Variants in SLC27A5 observed in about 807,000 individuals in gnomAD.
SLC27A5 encodes solute carrier family 27 member 5.
A neutral mutation model predicts 63.1 loss-of-function variants in SLC27A5; 47 were observed. That is an observed-to-expected ratio of 0.74 (90% CI 0.59 to 0.95). The LOEUF is 0.95. Ranked by LOEUF, SLC27A5 falls within the 40% of genes least tolerant of loss-of-function variation. The probability of loss-of-function intolerance (pLI) is 0.00; values close to 1 mark genes in which losing one functional copy is unlikely to be tolerated. For missense variants in SLC27A5, 940 were observed against 921.0 expected (o/e 1.02, Z -0.27); for synonymous variants, 391 against 403.8 (o/e 0.97, Z 0.38).
In SLC27A5 at chr19:58,511,620, C is replaced by T. The variant is rs145284710; in HGVS notation, c.336G>A (p.Pro112=). The T allele has an allele frequency of 1.0e-3, 1,619 of 1,595,266 alleles. 16 individuals are homozygous for T. The African/African-American group carries it at 0.019, about 18-fold the overall frequency. The change falls in exon 1 of 10, where the codon CCG becomes CCA. Residue 112 remains proline (P), a synonymous_variant. Coordinates refer to ENST00000263093, the MANE Select transcript of SLC27A5 (RefSeq NM_012254.3). ...CGAAGGCATCTACAAAGGTGTCAGG[C>T]GGCTGCCGGCTCAAGCATCCCCTGA... ...LKIRGCLSRQ[P]PDTFVDAFER...
chr19:58,503,939 C>G (rs1046327871), intron 3 of SLC27A5, among the ~76,000 whole-genome samples: 7 of 152,062 alleles, frequency 4.6e-5, no homozygotes, highest in Non-Finnish European at 8.8e-5. Flanking sequence ...AGGGCGAAAC[C>G]CTGTCTTTAC....
At position 58,498,513 on chromosome 19, in the gene SLC27A5, GAT is replaced by G; in HGVS notation, c.2073_*1del. 1 of 1,608,090 alleles carries G rather than the reference GAT, an allele frequency of 6.2e-7. No individual in the cohort carries two copies. Among genetic ancestry groups the G allele is most frequent in the Non-Finnish European group, 8.5e-7 (1 of 1,176,008 alleles). On this transcript the variant is annotated stop_lost and 3_prime_UTR_variant, in exon 10 of 10. Transcript: ENST00000263093. ...CCCTACCCCAGTGGGTTGGCCAGGT[GAT>G]CAGAGCCTCCAGGTTCCCTCACACA...
intron 6 of SLC27A5, 36 bp downstream of exon 6, chr19:58,500,303 C>T: frequency 6.4e-7 from 1 of 1,568,536 alleles, no homozygotes; most frequent in Non-Finnish European, 8.7e-7. Context: ...GGGTCGCCAC[C>T]CCTGCCACCC....
At position 58,510,011 on chromosome 19, in the gene SLC27A5, G is replaced by A. The variant is rs200114980; in HGVS notation, c.899-6C>T. 2,998 of 1,612,274 alleles carry A rather than the reference G, an allele frequency of 1.9e-3. 3 individuals are homozygous for A. The highest frequency in any genetic ancestry group is 2.3e-3 in the Non-Finnish European group (2,721 of 1,179,136). Reference sequence around the variant, plus strand: ...GATGGCTGGCTTCGGGAGGCCTTGGGATGAAGGCATGGCAAGGGCAGGGTG... The same window carrying A: ...GATGGCTGGCTTCGGGAGGCCTTGGAATGAAGGCATGGCAAGGGCAGGGTG... On this transcript the variant is annotated splice_polypyrimidine_tract_variant and splice_region_variant and intron_variant, in intron 2 of 9. Transcript: ENST00000263093.
At chr19:58,504,108 C>T (rs1210515528) in intron 3 of SLC27A5, among the ~76,000 whole-genome samples, 1 of 152,138 alleles carries the variant, frequency 6.6e-6, no homozygotes, top group Non-Finnish European at 1.5e-5. Context: ...AAGCAAGACT[C>T]TGTCTCTAAA....
chr19:58,509,430 G>A (rs1286401800), intron 3 of SLC27A5: 2 of 155,418 alleles, frequency 1.3e-5, no homozygotes, highest in Middle Eastern at 3.2e-3. Flanking sequence ...AAAAAAGAGA[G>A]AAAACAAAAA....
chr19:58,498,886 C>T lies in SLC27A5; in HGVS notation c.1795G>A (p.Val599Met). The T allele has an allele frequency of 6.2e-7, 1 of 1,613,372 alleles. No individual in the cohort carries two copies. The highest frequency in any genetic ancestry group is 8.5e-7 in the Non-Finnish European group (1 of 1,180,026). Reference sequence around the variant, plus strand: ...AAAGTCTGGCCGGGGGCTAGCTGCACAGCAGCCATGCCCACCTTACCCTCA... The same window carrying T: ...AAAGTCTGGCCGGGGGCTAGCTGCATAGCAGCCATGCCCACCTTACCCTCA... The part of the protein sequence containing the change: ...GCEGKVGMAA[V>M]QLAPGQTFDG... Residue 599 changes from valine (V) to methionine (M), a missense_variant, in exon 9 of 10, where the codon GTG (valine) becomes ATG (methionine). Val to Met is a conservative substitution (Grantham distance 21, BLOSUM62 1). Transcript: ENST00000263093.
chr19:58,499,514 C>A lies in SLC27A5; in HGVS notation c.1645G>T (p.Asp549Tyr). ...GACCGGAAGGTGTCCCCGAGGCGGT[C>A]GCGGAAGTAGAGGAAGCCTTCGCGG... ...MDREGFLYFR[D>Y]RLGDTFRWKG... The change falls in exon 7 of 10, where the codon GAC becomes TAC. Residue 549 changes from aspartate (D) to tyrosine (Y), a missense_variant. Asp to Tyr is a radical substitution (Grantham distance 160, BLOSUM62 -3). Transcript: ENST00000263093. 1 of 1,612,948 alleles carries A rather than the reference C, an allele frequency of 6.2e-7. No individual in the cohort carries two copies. Among genetic ancestry groups the A allele is most frequent in the East Asian group, 2.2e-5 (1 of 44,888 alleles).
chr19:58,500,340 T>C lies in SLC27A5; in HGVS notation c.1467A>G (p.Leu489=), dbSNP rs766172586. 6.2e-7 allele frequency: 1 copy of C among 1,612,354 alleles called. No homozygotes were observed. Among genetic ancestry groups the C allele is most frequent in the Admixed American group, 1.7e-5 (1 of 59,980 alleles). Residue 489 remains leucine (L), a splice_region_variant and synonymous_variant, in exon 6 of 10, where the codon CTA becomes CTG. Transcript: ENST00000263093. The stretch of plus-strand genomic sequence containing the variant: ...GGAAAGGCTCCTCAACCCCCATACC[T>C]AGCCCTACAGGGATGCAGAAGCCCT... ...DNQGFCIPVG[L]GEPGLLLTKV...
chr19:58,502,620 A>T (rs56393478), intron 3 of SLC27A5, among the ~76,000 whole-genome samples: 76 of 85,388 alleles, frequency 8.9e-4, no homozygotes, highest in African/African-American at 1.4e-3. Flanking sequence ...AGTGAGTGAG[A>T]AGATGGATGT....
Position 58,510,066 on chromosome 19 carries a change from C to G in SLC27A5, c.899-61G>C, listed in dbSNP as rs543863386. ...CATGACAGCACAGAGAGGGGCCTGA[C>G]CAGAGGGATAGATCTCCAACAGCCA... On this transcript the variant is annotated intron_variant, in intron 2 of 9. Coordinates refer to ENST00000263093, the MANE Select transcript of SLC27A5 (RefSeq NM_012254.3). 3 of 1,535,340 alleles carry G rather than the reference C, an allele frequency of 2.0e-6. No individual in the cohort carries two copies. The African/African-American group carries it at 4.1e-5, about 21-fold the overall frequency.
At position 58,501,281 on chromosome 19, in the gene SLC27A5, C is replaced by T; in HGVS notation, c.1182+5G>A. ...CACCATGGAGCCCTAATCTTAGAGC[C>T]TCACCTGGGGAATGTTACACAAGTA... On this transcript the variant is annotated splice_donor_5th_base_variant and intron_variant, in intron 4 of 9. Coordinates refer to ENST00000263093, the MANE Select transcript of SLC27A5 (RefSeq NM_012254.3). 6.2e-7 allele frequency: 1 copy of T among 1,612,592 alleles called. No homozygotes were observed. Among genetic ancestry groups the T allele is most frequent in the Non-Finnish European group, 8.5e-7 (1 of 1,179,096 alleles).
In SLC27A5 at chr19:58,509,863, G is replaced by A. The variant is rs377653125; in HGVS notation, c.1041C>T (p.Leu347=). 2.9e-5 allele frequency: 47 copies of A among 1,613,002 alleles called. No homozygotes were observed. Among genetic ancestry groups the A allele is most frequent in the African/African-American group, 5.3e-5 (4 of 74,890 alleles). ...TGGGCTTACCGAGATCTAAGCAGCC[G>A]AGGATCCCAACGACAAGTCCCATCA... is the stretch of plus-strand genomic sequence containing the variant. ...YHVMGLVVGI[L]GCLDLGATCV... Residue 347 remains leucine (L), a synonymous_variant, in exon 3 of 10, where the codon CTC becomes CTT. Transcript: ENST00000263093.
rs912243496 is a variant in SLC27A5 at position 58,510,972 on chromosome 19, C to G, written c.689-42G>C. 11 of 1,498,366 alleles carry G rather than the reference C, an allele frequency of 7.3e-6. No homozygotes were observed. In the South Asian group the frequency reaches 7.9e-5, roughly 11 times the overall value. The allele number at this position is 1,498,366 out of a possible 1,614,324, so 92.8% of individuals were successfully genotyped here. ...GAGGAGAAACAGAGGCAAGGCTCAC[C>G]TTTGAGGTTGCGAGGCGGGATCTGA... On this transcript the variant is annotated intron_variant, in intron 1 of 9. Transcript: ENST00000263093.
intron 3 of SLC27A5, among the ~76,000 whole-genome samples, chr19:58,506,912 T>C (rs1053843220): frequency 3.3e-5 from 5 of 151,242 alleles, no homozygotes; most frequent in African/African-American, 1.2e-4. Flanking sequence ...ACTGGCTAAT[T>C]TTTGTATTTT....
chr19:58,498,984 C>T (rs1393810547), intron 8 of SLC27A5, 69 bp from the exon 9 acceptor site: 1 of 1,591,948 alleles, frequency 6.3e-7, no homozygotes, highest in Non-Finnish European at 8.6e-7. Flanking sequence ...CCAGCCTCGC[C>T]CAGCTCTGCT....
rs749204662 is a variant in SLC27A5 at position 58,510,000 on chromosome 19, G to C, written c.904C>G (p.Pro302Ala). 6.2e-7 allele frequency: 1 copy of C among 1,613,064 alleles called. No individual in the cohort carries two copies. The highest frequency in any genetic ancestry group is 1.1e-5 in the South Asian group (1 of 90,974). The change falls in exon 3 of 10, where the codon CCG becomes GCG. Residue 302 changes from proline to alanine, a missense_variant. Transcript: ENST00000263093. ...TCATGCGTGAGGATGGCTGGCTTCGGGAGGCCTTGGGATGAAGGCATGGCA... is the reference window on the plus strand; with the variant it reads ...TCATGCGTGAGGATGGCTGGCTTCGCGAGGCCTTGGGATGAAGGCATGGCA... ...FIYTSGTTGL[P>A]KPAILTHERV...
intron 3 of SLC27A5, among the ~76,000 whole-genome samples, chr19:58,503,819 AAAC>A (rs2053311253): frequency 6.6e-6 from 1 of 152,060 alleles, no homozygotes. Context: ...ACAAACAAAA[AAAC>A]AGCCAATTGG....
intron 3 of SLC27A5, among the ~76,000 whole-genome samples, chr19:58,502,752 T>C (rs2053292973): frequency 6.7e-6 from 1 of 148,166 alleles, no homozygotes; most frequent in Non-Finnish European, 1.5e-5. Context: ...GTTAGAGTAG[T>C]GAGTGAGTAG....
Sources: gnomAD v4.1 joint callset for allele counts (sites outside exome capture counted in the v4.1 genomes callset) on GRCh38, gnomAD v4.1.1 for gene constraint, MANE v1.5 for transcripts, NCBI Gene and HGNC (gene_info 2026-07-23, HGNC 2026-07-21) for gene names.